Variants in RYR3 observed in about 807,000 individuals in gnomAD.
The protein encoded by RYR3 is ryanodine receptor 3.
RYR3 carries 207 observed loss-of-function variants against 584.3 expected under a neutral mutation model. The observed-to-expected ratio is 0.35, with a 90% CI of 0.32 to 0.40. The LOEUF (loss-of-function observed/expected upper bound fraction) is 0.40, where lower values mean the gene tolerates loss of function less well. Ranked by LOEUF, RYR3 falls within the 10% of genes least tolerant of loss-of-function variation. RYR3 has a pLI of 1.00. For missense variants in RYR3, 5,616 were observed against 6,089.2 expected, an observed-to-expected ratio of 0.92 and a Z score of 2.59; for synonymous variants, 2,416 against 2,248.5, an observed-to-expected ratio of 1.07 and a Z score of -2.11.
intron 3 of RYR3, among the ~76,000 whole-genome samples, chr15:33,525,732 G>T (rs1339670865): frequency 6.6e-6 from 1 of 152,128 alleles, no homozygotes; most frequent in Non-Finnish European, 1.5e-5. Context: ...CTACTGTTAA[G>T]TATTATTGTT....
intron 3 of RYR3, among the ~76,000 whole-genome samples, chr15:33,523,947 A>G (rs886630514): frequency 1.3e-5 from 2 of 152,130 alleles, no homozygotes; most frequent in Admixed American, 6.5e-5. Context: ...CTTAAAAGCA[A>G]TGATGCTAGA....
intron 31 of RYR3, among the ~76,000 whole-genome samples, chr15:33,651,538 A>G (rs1306857664): frequency 6.6e-6 from 1 of 152,246 alleles, no homozygotes; most frequent in Admixed American, 6.5e-5. Flanking sequence ...TTCTAGAGGC[A>G]GAAGGAACCT....
At chr15:33,757,651 G>A in intron 60 of RYR3, 55 bp downstream of exon 60, 7 of 1,576,072 alleles carry the variant, frequency 4.4e-6, no homozygotes, top group Non-Finnish European at 5.2e-6. Flanking sequence ...TACTTAAAAT[G>A]CCAGGTCCCT....
chr15:33,860,519 G>T, intron 100 of RYR3, 76 bp from the exon 101 acceptor site: 4 of 814,462 alleles, frequency 4.9e-6, no homozygotes, highest in Non-Finnish European at 7.5e-6. Context: ...ACAGAACAAA[G>T]TAGCTTCTTC....
chr15:33,722,843 A>G lies in RYR3; in HGVS notation c.6748A>G (p.Ile2250Val). 3 of 1,609,406 alleles carry G rather than the reference A, an allele frequency of 1.9e-6. No homozygotes were observed. The highest frequency in any genetic ancestry group is 1.7e-6 in the Non-Finnish European group (2 of 1,178,112). ...LLAAMQGAIK[I>V]SENPALDLPS... is the part of the protein sequence containing the mutation. The stretch of plus-strand genomic sequence containing the variant: ...GGCAGCCATGCAGGGTGCCATTAAG[A>G]TCTCTGAGAACCCAGCGCTCGACCT... Residue 2250 changes from isoleucine to valine, a missense_variant, in exon 44 of 104, where the codon ATC becomes GTC. This residue lies in a region of RYR3 where 1,280 missense variants were observed against 1,426.2 expected (regional missense o/e 0.90). Transcript: ENST00000634891.
intron 99 of RYR3, chr15:33,859,111 G>A (rs897002298): frequency 3.9e-5 from 6 of 155,776 alleles, no homozygotes; most frequent in Non-Finnish European, 8.5e-5. Context: ...AACAGGAGGA[G>A]CAGAAAAGTC....
chr15:33,826,986 C>A (rs992687149), intron 84 of RYR3, among the ~76,000 whole-genome samples: 1 of 152,204 alleles, frequency 6.6e-6, no homozygotes, highest in Admixed American at 6.5e-5. Context: ...TTCCATCTAG[C>A]CCCTTGGGGC....
intron 1 of RYR3, among the ~76,000 whole-genome samples, chr15:33,368,116 A>G (rs1249900381): frequency 6.6e-6 from 1 of 152,198 alleles, no homozygotes; most frequent in East Asian, 1.9e-4. Flanking sequence ...ACACAATTTA[A>G]TCATTCCTTT....
At chr15:33,417,408 T>G (rs1333025587) in intron 1 of RYR3, among the ~76,000 whole-genome samples, 1 of 152,132 alleles carries the variant, frequency 6.6e-6, no homozygotes, top group African/African-American at 2.4e-5. Context: ...TTCACCTCCT[T>G]GATAAGATGT....
chr15:33,628,683 A>T, intron 21 of RYR3, 108 bp downstream of exon 21: 1 of 695,716 alleles, frequency 1.4e-6, no homozygotes, highest in Non-Finnish European at 2.6e-6. Context: ...AGTTAGGAAC[A>T]CTGAGGAGAC....
rs1229158718 is a variant in RYR3, at chr15:33,838,647, G to C, written c.12667G>C (p.Ala4223Pro). The C allele has an allele frequency of 6.2e-7, 1 of 1,613,890 alleles. No homozygotes were observed. The highest frequency in any genetic ancestry group is 1.7e-5 in the Admixed American group (1 of 60,008). ...GTTTGGAGGGGGCCTGGTAGAAGGG[G>C]CAAAGAACATCAGAGTGACCAAGAT... ...TVFGGGLVEG[A>P]KNIRVTKILG... Residue 4223 changes from alanine (A) to proline (P), a missense_variant, in exon 89 of 104, where the codon GCA becomes CCA. Ala to Pro is a conservative substitution (Grantham distance 27, BLOSUM62 -1). Around this residue, in one of 9 missense-constraint regions of RYR3, gnomAD observed 918 missense variants for 887.4 expected, o/e 1.03. Transcript: ENST00000634891.
intron 1 of RYR3, among the ~76,000 whole-genome samples, chr15:33,387,015 G>A (rs1042512043): frequency 1.5e-4 from 23 of 151,818 alleles, no homozygotes; most frequent in South Asian, 4.2e-4. Flanking sequence ...CCACCACCAC[G>A]CCCGGCTAAT....
chr15:33,344,793 G>T (rs1972245352), intron 1 of RYR3, among the ~76,000 whole-genome samples: 1 of 152,054 alleles, frequency 6.6e-6, no homozygotes, highest in Non-Finnish European at 1.5e-5. Flanking sequence ...CTCAAAGTAG[G>T]GGAGGTGACT....
In RYR3 at chr15:33,310,983, C is replaced by T. The variant is rs1175942667; in HGVS notation, c.-63C>T. The T allele has an allele frequency of 2.0e-5, 27 of 1,341,210 alleles. No homozygotes were observed. Among genetic ancestry groups the T allele is most frequent in the Non-Finnish European group, 2.5e-5 (24 of 960,268 alleles). 83.1% of individuals were successfully genotyped at this position (1,341,210 alleles called of 1,614,324 possible). On this transcript the variant is annotated 5_prime_UTR_variant, in exon 1 of 104. Coordinates refer to ENST00000634891, the MANE Select transcript of RYR3 (RefSeq NM_001036.6). ...GAGCGCAGCAGCAGTCAGCGCACGC[C>T]GAGCGGCTGCCGGGGGAAGCAGAGG...
rs544603465 is a variant in RYR3, at chr15:33,520,840, C to A, written c.280-9752C>A. Reference sequence around the variant, plus strand: ...GGAGGCATACCAGTGACCACCTTTTCCCCCTCAATGGAAAATGCTCATCTG... The same window carrying A: ...GGAGGCATACCAGTGACCACCTTTTACCCCTCAATGGAAAATGCTCATCTG... On this transcript the variant is annotated intron_variant, in intron 3 of 103. Coordinates refer to ENST00000634891, the MANE Select transcript of RYR3 (RefSeq NM_001036.6). Among the ~76,000 whole-genome samples the A allele has an allele frequency of 1.1e-4, 17 of 152,270 alleles. No individual in the cohort carries two copies. The South Asian group carries it at 3.3e-3, about 30-fold the overall frequency.
At chr15:33,835,142 C>G (rs1245839030) in intron 87 of RYR3, 70 bp downstream of exon 87, 12 of 1,200,420 alleles carry the variant, frequency 1.0e-5, no homozygotes, top group South Asian at 5.3e-5. Flanking sequence ...CCTTGGTGTT[C>G]CCATTGTGAT....
chr15:33,406,239 C>CT (rs1217091607), intron 1 of RYR3, among the ~76,000 whole-genome samples: 12 of 152,250 alleles, frequency 7.9e-5, no homozygotes, highest in East Asian at 3.9e-4. Context: ...GAAATGCCTT[C>CT]TTTTTTTACC....
intron 8 of RYR3, among the ~76,000 whole-genome samples, chr15:33,546,956 G>A (rs2056290610): frequency 1.3e-5 from 2 of 152,180 alleles, no homozygotes; most frequent in Admixed American, 1.3e-4. Flanking sequence ...GTTAGTGAAT[G>A]TAAATGCAGT....
chr15:33,441,159 G>T (rs1432720482), intron 1 of RYR3, among the ~76,000 whole-genome samples: 1 of 152,220 alleles, frequency 6.6e-6, no homozygotes, highest in East Asian at 1.9e-4. Flanking sequence ...AAACAGGGCT[G>T]AGTGAAATTC....
Sources: allele counts gnomAD v4.1 joint callset (sites outside exome capture counted in the v4.1 genomes callset), GRCh38; gene constraint gnomAD v4.1.1; regional missense constraint gnomAD v4.1.1; transcripts MANE v1.5; gene names NCBI Gene and HGNC (gene_info 2026-07-23, HGNC 2026-07-21).